The following ZC3H11A variants were observed in gnomAD, a reference collection of about 807,000 sequenced individuals.
The protein encoded by ZC3H11A is zinc finger CCCH domain-containing protein 11A.
ZC3H11A carries 22 observed loss-of-function variants against 90.8 expected under a neutral mutation model. That is an observed-to-expected ratio of 0.24 (90% CI 0.17 to 0.35). ZC3H11A has a LOEUF of 0.35. Ranked by LOEUF, ZC3H11A falls within the 10% of genes least tolerant of loss-of-function variation. The probability of loss-of-function intolerance (pLI) is 1.00; values close to 1 mark genes in which losing one functional copy is unlikely to be tolerated. For synonymous variants in ZC3H11A, 294 were observed against 339.8 expected (o/e 0.87, Z 1.48); for missense variants, 701 against 964.9 (o/e 0.73, Z 3.62).
At chr1:203,819,759 C>G (rs1227165702) in intron 4 of ZC3H11A, among the ~76,000 whole-genome samples, 1 of 149,570 alleles carries the variant, frequency 6.7e-6, no homozygotes, top group Non-Finnish European at 1.5e-5. Context: ...GTCTCGAACT[C>G]CTGATCTCTG....
In ZC3H11A at chr1:203,830,925, ATTTTTTTTTTTTTTTTTTTTTT is replaced by A. The variant is rs774771270; in HGVS notation, c.701-719_701-698del. On this transcript the variant is annotated intron_variant, in intron 8 of 17. Coordinates refer to ENST00000367210, the MANE Select transcript of ZC3H11A (RefSeq NM_001376342.1). Reference sequence around the variant, plus strand: ...GATTGCTCTGTATTTCCAACCCCCAATTTTTTTTTTTTTTTTTTTTTTTTTTTTTTTTTTTTTTGAGACAGAG... The same window carrying A: ...GATTGCTCTGTATTTCCAACCCCCAATTTTTTTTTTTTTTTTGAGACAGAG... 2.1e-3 allele frequency among the ~76,000 whole-genome samples: 110 copies of A among 51,384 alleles called. 2 individuals are homozygous for A. In the Middle Eastern group the frequency reaches 0.05, roughly 23 times the overall value. The allele number at this position is 51,384 out of a possible 152,430, so 33.7% of individuals were successfully genotyped here.
chr1:203,811,303 G>A (rs1674426558), intron 2 of ZC3H11A, among the ~76,000 whole-genome samples: 1 of 152,080 alleles, frequency 6.6e-6, no homozygotes, highest in African/African-American at 2.4e-5. Context: ...AGCAAAACTC[G>A]AAACTCCGTC....
intron 2 of ZC3H11A, 81 bp downstream of exon 2, chr1:203,803,097 A>G (rs1196132377): frequency 1.3e-5 from 2 of 152,450 alleles, no homozygotes; most frequent in Non-Finnish European, 2.9e-5. Flanking sequence ...TGGATCAGTA[A>G]GAAATTAAAA....
Position 203,848,422 on chromosome 1 carries a change from A to C in ZC3H11A, c.1623+15A>C. Reference sequence around the variant, plus strand: ...AAGCTAAAGAGGTAAATTTAAGATTATTGTATGGTTTTGTTCATGGCAAAC... The same window carrying C: ...AAGCTAAAGAGGTAAATTTAAGATTCTTGTATGGTTTTGTTCATGGCAAAC... On this transcript the variant is annotated intron_variant, in intron 14 of 17. Coordinates refer to ENST00000367210, the MANE Select transcript of ZC3H11A (RefSeq NM_001376342.1). The C allele has an allele frequency of 1.3e-6, 2 of 1,593,878 alleles. No homozygotes were observed. The highest frequency in any genetic ancestry group is 1.7e-6 in the Non-Finnish European group (2 of 1,168,492).
At chr1:203,820,700 G>A (rs923676340) in intron 4 of ZC3H11A, among the ~76,000 whole-genome samples, 3 of 151,934 alleles carry the variant, frequency 2.0e-5, no homozygotes, top group African/African-American at 4.8e-5. Flanking sequence ...GGCTGGTCTC[G>A]AATTGTTGGC....
chr1:203,818,423 C>G (rs957554193), intron 3 of ZC3H11A, 147 bp from the exon 4 acceptor site: 53 of 1,064,684 alleles, frequency 5.0e-5, no homozygotes, highest in Non-Finnish European at 7.1e-5. Flanking sequence ...TCGGTTTGTT[C>G]CTGTCATTCC....
chr1:203,832,384 G>A (rs896910383), intron 9 of ZC3H11A, among the ~76,000 whole-genome samples: 1 of 150,266 alleles, frequency 6.7e-6, no homozygotes, highest in African/African-American at 2.5e-5. Context: ...TTTTTTAGAT[G>A]GAGTCTTGCT....
chr1:203,829,996 C>A, intron 7 of ZC3H11A, 100 bp downstream of exon 7: 1 of 1,332,202 alleles, frequency 7.5e-7, no homozygotes, highest in Non-Finnish European at 1.1e-6. Context: ...TCCCATGCTA[C>A]ACGCATACTT....
At chr1:203,800,129 G>A (rs1464118572) in intron 1 of ZC3H11A, 70 of 1,535,712 alleles carry the variant, frequency 4.6e-5, no homozygotes, top group Non-Finnish European at 6.1e-5. Context: ...TTGTGGATGA[G>A]TACTTCAAAG....
chr1:203,797,387 T>A (rs1241872317), intron 1 of ZC3H11A: 13 of 801,514 alleles, frequency 1.6e-5, no homozygotes, highest in Non-Finnish European at 2.4e-5. Flanking sequence ...GCTTGGAAGT[T>A]ATTGGTCCAG....
In ZC3H11A at chr1:203,802,857, T is replaced by G. The variant is rs895396158; in HGVS notation, c.-305T>G. The G allele has an allele frequency of 4.6e-5, 7 of 152,584 alleles. No individual in the cohort carries two copies. Among genetic ancestry groups the G allele is most frequent in the Non-Finnish European group, 1.0e-4 (7 of 68,022 alleles). 9.5% of individuals were successfully genotyped at this position (152,584 alleles called of 1,614,324 possible). On this transcript the variant is annotated 5_prime_UTR_variant, in exon 2 of 18. Transcript: ENST00000367210. The stretch of plus-strand genomic sequence containing the variant: ...GATGTTTTAAAAACACATGCTGTGT[T>G]TGAATTGTGGCTGAGAGGTTTTCTT...
intron 1 of ZC3H11A, chr1:203,797,716 A>G: frequency 6.5e-7 from 1 of 1,535,256 alleles, no homozygotes; most frequent in Non-Finnish European, 8.7e-7. Context: ...AAGAAAAGAA[A>G]GAAGGGTTTG....
intron 1 of ZC3H11A, chr1:203,797,895 C>T: frequency 6.5e-7 from 1 of 1,536,124 alleles, no homozygotes; most frequent in Non-Finnish European, 8.7e-7. Context: ...ACAGATCTAT[C>T]TACCTAGTAC....
intron 5 of ZC3H11A, among the ~76,000 whole-genome samples, 190 bp downstream of exon 5, chr1:203,828,612 T>C (rs1681304259): frequency 6.6e-6 from 1 of 152,212 alleles, no homozygotes; most frequent in African/African-American, 2.4e-5. Context: ...CCATTATATA[T>C]CTTGGCATGC....
chr1:203,796,520 C>A (rs1283786279), intron 1 of ZC3H11A: 3 of 398,820 alleles, frequency 7.5e-6, no homozygotes, highest in Non-Finnish European at 1.3e-5. Flanking sequence ...TGGGGAAGGC[C>A]TATATTGTTG....
chr1:203,837,562 C>G (rs1684772598), intron 10 of ZC3H11A, among the ~76,000 whole-genome samples: 1 of 151,686 alleles, frequency 6.6e-6, no homozygotes, highest in Non-Finnish European at 1.5e-5. Flanking sequence ...AGCCTTTCTA[C>G]CTCCTGGGCT....
chr1:203,844,638 C>G (rs1195933013), intron 12 of ZC3H11A, among the ~76,000 whole-genome samples: 1 of 151,978 alleles, frequency 6.6e-6, no homozygotes, highest in African/African-American at 2.4e-5. Context: ...AGACCCTTTC[C>G]CCAAGTTGTC....
chr1:203,815,211 C>CTTT (rs199677164), intron 2 of ZC3H11A, among the ~76,000 whole-genome samples: 2 of 59,402 alleles, frequency 3.4e-5, no homozygotes, highest in African/African-American at 9.5e-5. Flanking sequence ...TCTTCCTTTT[C>CTTT]TTTTCTTTTT....
At chr1:203,797,873 C>T (rs1571856559) in intron 1 of ZC3H11A, 3 of 1,536,014 alleles carry the variant, frequency 2.0e-6, no homozygotes, top group South Asian at 1.2e-5. Flanking sequence ...TTTTTGAGAG[C>T]AATATAGAAA....
Sources: allele counts gnomAD v4.1 joint callset (sites outside exome capture counted in the v4.1 genomes callset), GRCh38; gene constraint gnomAD v4.1.1; transcripts MANE v1.5; gene names NCBI Gene and HGNC (gene_info 2026-07-23, HGNC 2026-07-21).